Variants in OCA2 observed in about 807,000 individuals in gnomAD.
OCA2 encodes P protein.
Under a neutral mutation model 100.2 loss-of-function variants are expected in OCA2, and 77 were observed. That is an observed-to-expected ratio of 0.77 (90% CI 0.64 to 0.93). OCA2 has a LOEUF of 0.93. Ranked by LOEUF, OCA2 falls within the 40% of genes least tolerant of loss-of-function variation. The pLI, the probability that OCA2 is intolerant of heterozygous loss-of-function variation, is 0.00. For missense variants in OCA2, 1,062 were observed against 1,089.1 expected (o/e 0.98, Z 0.35); for synonymous variants, 432 against 439.2 (o/e 0.98, Z 0.21).
chr15:27,859,994 T>C (rs566371373), intron 21 of OCA2, among the ~76,000 whole-genome samples: 2 of 152,354 alleles, frequency 1.3e-5, no homozygotes, highest in Non-Finnish European at 2.9e-5. Flanking sequence ...TAAACAAGAA[T>C]TCCAGGCTGA....
At chr15:27,898,059 C>A (rs1010857625) in intron 19 of OCA2, among the ~76,000 whole-genome samples, 2 of 152,150 alleles carry the variant, frequency 1.3e-5, no homozygotes, top group African/African-American at 4.8e-5. Flanking sequence ...TGCTTGTACC[C>A]CCATTATATC....
At chr15:27,752,929 G>A (rs2030122729), downstream of OCA2, among the ~76,000 whole-genome samples, 1 of 151,738 alleles carries the variant, frequency 6.6e-6, no homozygotes, top group Admixed American at 6.6e-5. Context: ...CAGTTCTCTG[G>A]CTGCTGCGCT....
intron 21 of OCA2, among the ~76,000 whole-genome samples, chr15:27,858,166 G>A (rs1450296842): frequency 6.6e-6 from 1 of 152,068 alleles, no homozygotes; most frequent in East Asian, 1.9e-4. Flanking sequence ...CTGAGGTCAG[G>A]AGTTCAAGAC....
chr15:27,878,664 T>C (rs1299265973), intron 19 of OCA2, among the ~76,000 whole-genome samples: 1 of 152,164 alleles, frequency 6.6e-6, no homozygotes, highest in Non-Finnish European at 1.5e-5. Flanking sequence ...TTCAGCACTA[T>C]GATTATGATG....
intron 23 of OCA2, among the ~76,000 whole-genome samples, chr15:27,765,141 G>A (rs1384445482): frequency 6.6e-6 from 1 of 152,066 alleles, no homozygotes; most frequent in East Asian, 1.9e-4. Flanking sequence ...GAGTGTAGCA[G>A]GCCAGGTCTC....
chr15:27,851,408 G>A lies in OCA2; in HGVS notation c.2312C>T (p.Ala771Val). The change falls in exon 22 of 24, where the codon GCC becomes GTC. Residue 771 changes from alanine to valine, a missense_variant. Ala to Val is a moderately conservative substitution (Grantham distance 64, BLOSUM62 0). Transcript: ENST00000354638. ...TCCCAGGCAAGCACCGAAGGCCAGG[G>A]CATACATGAGCGGCGGTGCGGGCAG... The part of the protein sequence containing the change: ...VGLPAPPLMY[A>V]LAFGACLGGN... 6.2e-7 allele frequency: 1 copy of A among 1,614,018 alleles called. No homozygotes were observed. Among genetic ancestry groups the A allele is most frequent in the South Asian group, 1.1e-5 (1 of 91,012 alleles).
chr15:27,744,146 G>A, the OCA2 span, among the ~76,000 whole-genome samples: 1 of 152,128 alleles, frequency 6.6e-6, no homozygotes, highest in African/African-American at 2.4e-5. Context: ...AGGCAACAAG[G>A]GCAAAGACAG....
chr15:28,040,491 TAATA>T (rs1412765801), intron 2 of OCA2, among the ~76,000 whole-genome samples: 2 of 151,990 alleles, frequency 1.3e-5, no homozygotes, highest in African/African-American at 4.8e-5. Flanking sequence ...CTAACAGAAA[TAATA>T]AATATTAGAG....
intron 18 of OCA2, among the ~76,000 whole-genome samples, chr15:27,941,799 G>A (rs1487602401): frequency 6.6e-6 from 1 of 152,192 alleles, no homozygotes; most frequent in East Asian, 1.9e-4. Context: ...AAAGAAGGCT[G>A]TTGTTAATGT....
intron 19 of OCA2, among the ~76,000 whole-genome samples, chr15:27,891,448 T>G (rs1164218874): frequency 6.6e-6 from 1 of 152,220 alleles, no homozygotes; most frequent in Non-Finnish European, 1.5e-5. Context: ...TCAGTATCCA[T>G]GGGGAATTGG....
intron 23 of OCA2, among the ~76,000 whole-genome samples, chr15:27,778,332 C>T (rs1325558661): frequency 6.6e-6 from 1 of 152,168 alleles, no homozygotes; most frequent in Admixed American, 6.5e-5. Context: ...CTAAAACGAG[C>T]TCATACGCAC....
At chr15:27,976,561 A>G (rs931256564) in intron 14 of OCA2, among the ~76,000 whole-genome samples, 3 of 152,194 alleles carry the variant, frequency 2.0e-5, no homozygotes, top group African/African-American at 7.2e-5. Context: ...TACATTGATT[A>G]ATATTTCAAA....
intron 1 of OCA2, among the ~76,000 whole-genome samples, chr15:28,095,940 C>G (rs2141979734): frequency 6.6e-6 from 1 of 152,310 alleles, no homozygotes; most frequent in East Asian, 1.9e-4. Context: ...GGCCCCAAAT[C>G]GTCCCTAATG....
chr15:28,031,304 G>A (rs2042900728), intron 3 of OCA2, among the ~76,000 whole-genome samples: 1 of 152,166 alleles, frequency 6.6e-6, no homozygotes, highest in African/African-American at 2.4e-5. Context: ...ATTTTAAACT[G>A]GGTTCTGATA....
rs3214781 is a variant in OCA2, at chr15:27,989,317, A to AT, written c.1182+283dup. On this transcript the variant is annotated intron_variant, in intron 11 of 23. Transcript: ENST00000354638. ...ATGGTTTATTTATTTGGGATAGTCC[A>AT]TTTTTTTTATTTTAACGGAAATAAC... Among the ~76,000 whole-genome samples the AT allele has an allele frequency of 0.54, 82,661 of 151,926 alleles. 26,379 individuals are homozygous for AT. The highest frequency in any genetic ancestry group is 0.74 in the Non-Finnish European group (49,954 of 67,926).
At chr15:27,753,505 G>A (rs556935960), downstream of OCA2, among the ~76,000 whole-genome samples, 3 of 152,042 alleles carry the variant, frequency 2.0e-5, no homozygotes, top group Non-Finnish European at 4.4e-5. Flanking sequence ...AGGCCGAGTC[G>A]GGTGGATCAC....
At chr15:27,833,107 T>C (rs1198116256) in intron 23 of OCA2, among the ~76,000 whole-genome samples, 1 of 152,242 alleles carries the variant, frequency 6.6e-6, no homozygotes, top group African/African-American at 2.4e-5. Context: ...TGAGCCATCA[T>C]ACCCAGCCTG....
At chr15:27,932,141 A>G (rs1045178913) in intron 18 of OCA2, among the ~76,000 whole-genome samples, 2 of 152,226 alleles carry the variant, frequency 1.3e-5, no homozygotes, top group African/African-American at 2.4e-5. Flanking sequence ...AAATAACAAT[A>G]TATGGGGACT....
chr15:27,970,493 A>ACACGG (rs2040738987), intron 14 of OCA2, among the ~76,000 whole-genome samples: 1 of 152,168 alleles, frequency 6.6e-6, no homozygotes, highest in Admixed American at 6.5e-5. Flanking sequence ...CATGGTGGGA[A>ACACGG]AATATGAAGA....
Sources: gnomAD v4.1 joint callset for allele counts (sites outside exome capture counted in the v4.1 genomes callset) on GRCh38, gnomAD v4.1.1 for gene constraint, MANE v1.5 for transcripts, NCBI Gene and HGNC (gene_info 2026-07-23, HGNC 2026-07-21) for gene names.